Variants in CDH9 observed in about 807,000 individuals in gnomAD.
CDH9 encodes the protein cadherin 9.
In CDH9, 28 loss-of-function variants were observed where a neutral mutation model predicts 70.9. The ratio of observed to expected loss-of-function variants is 0.40; its 90% CI spans 0.29 to 0.54. CDH9 has a LOEUF of 0.54. Among genes scored for constraint, CDH9 ranks in the 20% least tolerant of loss-of-function variants. The pLI, the probability that CDH9 is intolerant of heterozygous loss-of-function variation, is 0.59. For missense variants in CDH9, 874 were observed against 984.4 expected (o/e 0.89, Z 1.50); for synonymous variants, 409 against 343.1 (o/e 1.19, Z -2.12).
chr5:26,955,349 T>C (rs748264813), intron 2 of CDH9, among the ~76,000 whole-genome samples: 5 of 152,236 alleles, frequency 3.3e-5, no homozygotes, highest in Non-Finnish European at 7.3e-5. Flanking sequence ...AAGTGTGTTA[T>C]CTTGCAATCC....
intron 1 of CDH9, among the ~76,000 whole-genome samples, chr5:27,015,806 T>G (rs1418514786): frequency 6.6e-6 from 1 of 151,766 alleles, no homozygotes; most frequent in Admixed American, 6.6e-5. Flanking sequence ...GAATTCTGCT[T>G]ATTAAGTATA....
chr5:26,976,977 G>T (rs1742311887), intron 2 of CDH9, among the ~76,000 whole-genome samples: 1 of 151,792 alleles, frequency 6.6e-6, no homozygotes, highest in African/African-American at 2.4e-5. Flanking sequence ...ACTAAATGAA[G>T]ATTTCAGAAT....
chr5:26,953,706 A>G (rs768844644), intron 2 of CDH9, among the ~76,000 whole-genome samples: 2 of 152,032 alleles, frequency 1.3e-5, no homozygotes, highest in Non-Finnish European at 2.9e-5. Flanking sequence ...CCTTCATTCC[A>G]TCCATCAGAA....
At chr5:26,884,181 G>C (rs1740521905) in intron 11 of CDH9, among the ~76,000 whole-genome samples, 1 of 152,048 alleles carries the variant, frequency 6.6e-6, no homozygotes. Context: ...CTGCAGAACA[G>C]AAGAGGAAAC....
At position 27,015,013 on chromosome 5, in the gene CDH9, C is replaced by T. The variant is rs1454207916; in HGVS notation, c.-50+23450G>A. 2.0e-5 allele frequency among the ~76,000 whole-genome samples: 3 copies of T among 151,796 alleles called. No individual in the cohort carries two copies. The South Asian group carries it at 6.2e-4, about 31-fold the overall frequency. On this transcript the variant is annotated intron_variant, in intron 1 of 11. Coordinates refer to ENST00000231021, the MANE Select transcript of CDH9 (RefSeq NM_016279.4). The stretch of plus-strand genomic sequence containing the variant: ...GCTCAGTCTGTGCTTTAGAAGACTG[C>T]GATGCAAGGATCACATAACCGTAAA...
At chr5:26,922,916 G>A (rs1244722045) in intron 2 of CDH9, among the ~76,000 whole-genome samples, 2 of 151,592 alleles carry the variant, frequency 1.3e-5, no homozygotes, top group East Asian at 1.9e-4. Context: ...TGCAGTTAGT[G>A]TGGAGTGGAT....
rs763906725 is a variant in CDH9, at chr5:26,885,564, AGG to A, written c.1882+48_1882+49del. On this transcript the variant is annotated intron_variant, in intron 11 of 11. Coordinates refer to ENST00000231021, the MANE Select transcript of CDH9 (RefSeq NM_016279.4). ...TTCAGTGCACCATGCTCAGACAGTG[AGG>A]GAGAGATTTTTGTGAGTTAAAGGAT... 4 of 1,503,810 alleles carry A rather than the reference AGG, an allele frequency of 2.7e-6. No individual in the cohort carries two copies. In the South Asian group the frequency reaches 4.5e-5, roughly 17 times the overall value. The allele number at this position is 1,503,810 out of a possible 1,614,324, so 93.2% of individuals were successfully genotyped here. A position where few individuals can be genotyped will look rare whatever the true frequency, so the allele number is the denominator to read the frequency against.
chr5:26,952,663 A>G (rs1383842768), intron 2 of CDH9, among the ~76,000 whole-genome samples: 4 of 147,696 alleles, frequency 2.7e-5, no homozygotes, highest in Admixed American at 2.0e-4. Context: ...AAAGAAAGAA[A>G]AAAAGAGGTG....
intron 2 of CDH9, among the ~76,000 whole-genome samples, chr5:26,923,817 G>T (rs1190665146): frequency 6.6e-6 from 1 of 151,908 alleles, no homozygotes; most frequent in Non-Finnish European, 1.5e-5. Context: ...AATGATAAGT[G>T]GGTCAATGAA....
At chr5:27,036,027 TTA>T (rs1456451208) in intron 1 of CDH9, among the ~76,000 whole-genome samples, 1 of 151,876 alleles carries the variant, frequency 6.6e-6, no homozygotes, top group East Asian at 1.9e-4. Context: ...TTCTTGCATA[TTA>T]TATGTTGCCA....
chr5:26,881,186 A>G lies in CDH9; in HGVS notation c.2320T>C (p.Phe774Leu). 6.2e-7 allele frequency: 1 copy of G among 1,612,930 alleles called. No homozygotes were observed. The highest frequency in any genetic ancestry group is 1.1e-5 in the South Asian group (1 of 90,994). ...YDYLSDWGPR[F>L]KKLADMYGGD... ...CCATACATATCGGCAAGTTTTTTGAAACGAGGCCCCCAGTCACTGAGGTAA... is the reference window on the plus strand; with the variant it reads ...CCATACATATCGGCAAGTTTTTTGAGACGAGGCCCCCAGTCACTGAGGTAA... Residue 774 changes from phenylalanine (F) to leucine (L), a missense_variant, in exon 12 of 12, where the codon TTC becomes CTC. Transcript: ENST00000231021.
chr5:26,912,075 T>C (rs1308672630), intron 3 of CDH9, among the ~76,000 whole-genome samples: 1 of 152,172 alleles, frequency 6.6e-6, no homozygotes, highest in Non-Finnish European at 1.5e-5. Context: ...AGAAATCTTA[T>C]CTTATTCCAT....
At chr5:27,012,660 C>CA (rs1193982381) in intron 1 of CDH9, among the ~76,000 whole-genome samples, 4 of 151,892 alleles carry the variant, frequency 2.6e-5, no homozygotes, top group Non-Finnish European at 5.9e-5. Context: ...CTACAAGACC[C>CA]AAAAAATCAA....
At chr5:26,958,295 A>T (rs1741978755) in intron 2 of CDH9, among the ~76,000 whole-genome samples, 1 of 152,186 alleles carries the variant, frequency 6.6e-6, no homozygotes, top group Non-Finnish European at 1.5e-5. Flanking sequence ...ATCTTCCCCA[A>T]ACCAACATTG....
In CDH9 at chr5:27,032,626, G is replaced by T. The variant is rs545397527; in HGVS notation, c.-50+5837C>A. On this transcript the variant is annotated intron_variant, in intron 1 of 11. Transcript: ENST00000231021. ...TATTAAGTTGTAACATTAATAAGTT[G>T]TGACATTAATCTAGAAGGAGTGGTA... is the stretch of plus-strand genomic sequence containing the variant. Among the ~76,000 whole-genome samples the T allele has an allele frequency of 9.9e-5, 15 of 151,670 alleles. No individual in the cohort carries two copies. The East Asian group carries it at 2.7e-3, about 28-fold the overall frequency.
At chr5:26,994,957 C>T (rs768867481) in intron 1 of CDH9, among the ~76,000 whole-genome samples, 1 of 152,122 alleles carries the variant, frequency 6.6e-6, no homozygotes, top group African/African-American at 2.4e-5. Context: ...AGTCTCTGAA[C>T]AACCTTTTGA....
chr5:27,004,690 T>C (rs1230683149), intron 1 of CDH9, among the ~76,000 whole-genome samples: 1 of 152,126 alleles, frequency 6.6e-6, no homozygotes, highest in Non-Finnish European at 1.5e-5. Context: ...ACATGAGATG[T>C]TCAGGTTGTG....
intron 3 of CDH9, among the ~76,000 whole-genome samples, chr5:26,915,194 C>T (rs184857281): frequency 6.6e-6 from 1 of 152,048 alleles, no homozygotes; most frequent in East Asian, 1.9e-4. Flanking sequence ...TTTCTCATGC[C>T]TACCACATAA....
chr5:26,965,960 A>G (rs1222853559), intron 2 of CDH9, among the ~76,000 whole-genome samples: 1 of 152,186 alleles, frequency 6.6e-6, no homozygotes, highest in African/African-American at 2.4e-5. Context: ...CTTTTTGATG[A>G]ACTTATGTTA....
Sources: allele counts gnomAD v4.1 joint callset (sites outside exome capture counted in the v4.1 genomes callset), GRCh38; gene constraint gnomAD v4.1.1; transcripts MANE v1.5; gene names NCBI Gene and HGNC (gene_info 2026-07-23, HGNC 2026-07-21).